Variants in FRMD7 observed in about 807,000 individuals in gnomAD.
FRMD7 encodes FERM domain containing 7.
FRMD7 carries 14 observed loss-of-function variants against 44.1 expected under a neutral mutation model. The ratio of observed to expected loss-of-function variants is 0.32; its 90% CI spans 0.21 to 0.50. The LOEUF is 0.50. FRMD7 is among the 20% of genes least tolerant of loss of function. The probability of loss-of-function intolerance (pLI) is 0.99; values close to 1 mark genes in which losing one functional copy is unlikely to be tolerated. For synonymous variants in FRMD7, 212 were observed against 187.4 expected (o/e 1.13, Z -1.07); for missense variants, 501 against 522.3 (o/e 0.96, Z 0.40).
chrX:132,081,720 C>A (rs1361768702), intron 9 of FRMD7, among the ~76,000 whole-genome samples: 1 of 112,717 alleles, frequency 8.9e-6, no homozygotes, highest in Non-Finnish European at 1.9e-5. Context: ...GTTTTGAAAA[C>A]TTCCTCCAAC....
At chrX:132,115,974 C>T (rs938245138) in intron 1 of FRMD7, among the ~76,000 whole-genome samples, 7 of 111,201 alleles carry the variant, frequency 6.3e-5, no homozygotes, top group Non-Finnish European at 1.3e-4. Context: ...TTCGAATAGT[C>T]AGTGAGGGCA....
intron 4 of FRMD7, 142 bp from the exon 5 acceptor site, chrX:132,094,281 G>A (rs1186333353): frequency 4.1e-6 from 2 of 483,352 alleles, no homozygotes; most frequent in East Asian, 3.8e-5. Flanking sequence ...GGTGAGTAAT[G>A]CATAGGCTTT....
chrX:132,082,913 T>C (rs1180126972), intron 8 of FRMD7, among the ~76,000 whole-genome samples: 1 of 112,247 alleles, frequency 8.9e-6, no homozygotes, highest in African/African-American at 3.2e-5. Flanking sequence ...GAAGATTTCC[T>C]TATAGATGGA....
At chrX:132,112,435 T>C (rs1273606878) in intron 1 of FRMD7, among the ~76,000 whole-genome samples, 1 of 111,592 alleles carries the variant, frequency 9.0e-6, no homozygotes, top group Admixed American at 9.5e-5. Flanking sequence ...CCCACAGGAC[T>C]CAGCAATAAA....
Position 132,078,611 on chromosome X carries a change from G to A in FRMD7, c.1406C>T (p.Pro469Leu). Reference protein sequence around the residue: ...IYSGLTSKVRPAKQLTYTDVP... With the variant: ...IYSGLTSKVRLAKQLTYTDVP... ...ATCCGTGTAAGTTAGCTGCTTTGCT[G>A]GACGCACTTTGCTTGTGAGGCCAGA... Residue 469 changes from proline to leucine, a missense_variant, in exon 12 of 12, where the codon CCA (proline) becomes CTA (leucine). Pro to Leu is a moderately conservative substitution (Grantham distance 98). Around this residue, in one of 3 missense-constraint regions of FRMD7, gnomAD observed 453 missense variants for 452.7 expected, o/e 1.00. Coordinates refer to ENST00000298542, the MANE Select transcript of FRMD7 (RefSeq NM_194277.3). The A allele has an allele frequency of 8.3e-7, 1 of 1,210,872 alleles. No homozygotes were observed.
rs1928178983 is a variant in FRMD7, at chrX:132,091,708, G to A, written c.382+2334C>T. ...AAAAAAGCCGGGTGTGGTGGCATGT[G>A]CCTGTAATCCCAGCTACTCAGGAGG... is the stretch of plus-strand genomic sequence containing the variant. On this transcript the variant is annotated intron_variant, in intron 5 of 11. Coordinates refer to ENST00000298542, the MANE Select transcript of FRMD7 (RefSeq NM_194277.3). Among the ~76,000 whole-genome samples the A allele has an allele frequency of 2.8e-5, 3 of 107,851 alleles. No homozygotes were observed. In the Admixed American group the frequency reaches 3.0e-4, roughly 11 times the overall value. 93.7% of individuals were successfully genotyped at this position (107,851 alleles called of 115,157 possible). A position where few individuals can be genotyped will look rare whatever the true frequency, so the allele number is the denominator to read the frequency against.
At chrX:132,092,446 G>T (rs1378078561) in intron 5 of FRMD7, among the ~76,000 whole-genome samples, 1 of 111,699 alleles carries the variant, frequency 9.0e-6, no homozygotes, top group Admixed American at 9.4e-5. Flanking sequence ...CAAATAAATT[G>T]CACAACTAGA....
chrX:132,118,745 C>T (rs757269679), intron 1 of FRMD7, among the ~76,000 whole-genome samples: 1 of 111,498 alleles, frequency 9.0e-6, no homozygotes, highest in Non-Finnish European at 1.9e-5. Flanking sequence ...AGTCTCTCAT[C>T]GCTCTCTCTC....
chrX:132,090,259 C>A (rs1447330461), intron 5 of FRMD7, among the ~76,000 whole-genome samples: 1 of 110,475 alleles, frequency 9.1e-6, no homozygotes. Context: ...TGCCTGTAAT[C>A]CCAGCTACTC....
chrX:132,092,961 C>T (rs1413612521), intron 5 of FRMD7, among the ~76,000 whole-genome samples: 2 of 111,918 alleles, frequency 1.8e-5, no homozygotes, highest in Non-Finnish European at 3.8e-5. Context: ...TCTTGTCTAA[C>T]CACCATTTTT....
intron 1 of FRMD7, among the ~76,000 whole-genome samples, chrX:132,112,024 G>A (rs1208173758): frequency 8.9e-6 from 1 of 111,768 alleles, no homozygotes; most frequent in Non-Finnish European, 1.9e-5. Context: ...TTTACTTTTC[G>A]GTAAAAATGC....
intron 1 of FRMD7, among the ~76,000 whole-genome samples, chrX:132,111,569 G>C (rs1477197991): frequency 8.9e-6 from 1 of 112,003 alleles, no homozygotes; most frequent in Non-Finnish European, 1.9e-5. Context: ...AATAGTATAA[G>C]CACATTGTCA....
At chrX:132,126,997 AT>A (rs1929172161) in intron 1 of FRMD7, among the ~76,000 whole-genome samples, 1 of 112,845 alleles carries the variant, frequency 8.9e-6, no homozygotes, top group African/African-American at 3.2e-5. Flanking sequence ...TTTTGTATGA[AT>A]TTCAGAGAAA....
chrX:132,116,306 C>G (rs188369305), intron 1 of FRMD7, among the ~76,000 whole-genome samples: 4 of 111,893 alleles, frequency 3.6e-5, no homozygotes, highest in African/African-American at 1.3e-4. Context: ...TCCTTTTGGC[C>G]TCATAACCCC....
In FRMD7 at chrX:132,077,705, A is replaced by G; in HGVS notation, c.*167T>C. On this transcript the variant is annotated 3_prime_UTR_variant, in exon 12 of 12. Transcript: ENST00000298542. ...AGAGGTAATGGAAGAGTGAAACTCA[A>G]GGAATGAGGCAACAGCTGGATCTTT... 2 of 690,181 alleles carry G rather than the reference A, an allele frequency of 2.9e-6. No individual in the cohort carries two copies. Among genetic ancestry groups the G allele is most frequent in the South Asian group, 2.9e-5 (1 of 34,799 alleles). 56.9% of individuals were successfully genotyped at this position (690,181 alleles called of 1,213,427 possible).
chrX:132,104,592 C>T (rs776508131), intron 1 of FRMD7, among the ~76,000 whole-genome samples: 132 of 111,498 alleles, frequency 1.2e-3, no homozygotes, highest in African/African-American at 4.2e-3. Context: ...ACTCGGGAGG[C>T]TGAGGCAGGA....
chrX:132,124,464 C>A (rs1929107441), intron 1 of FRMD7, among the ~76,000 whole-genome samples: 1 of 111,742 alleles, frequency 8.9e-6, no homozygotes, highest in Non-Finnish European at 1.9e-5. Flanking sequence ...TCATTTTCTT[C>A]ATTGGATTGT....
In FRMD7 at chrX:132,122,513, G is replaced by A. The variant is rs189778164; in HGVS notation, c.57+5275C>T. On this transcript the variant is annotated intron_variant, in intron 1 of 11. Coordinates refer to ENST00000298542, the MANE Select transcript of FRMD7 (RefSeq NM_194277.3). ...CAGCCACTTAAGCTAGAAACTTGAA[G>A]GTCATTTAGATCCTTTCTCACATAT... Among the ~76,000 whole-genome samples, 3 of 112,337 alleles carry A rather than the reference G, an allele frequency of 2.7e-5. No individual in the cohort carries two copies. In the East Asian group the frequency reaches 8.4e-4, roughly 31 times the overall value.
intron 5 of FRMD7, among the ~76,000 whole-genome samples, chrX:132,086,895 T>C (rs938502940): frequency 8.9e-6 from 1 of 112,290 alleles, no homozygotes; most frequent in African/African-American, 3.2e-5. Context: ...ATTGGGAGTC[T>C]AGTAAATCCC....
Sources: gnomAD v4.1 joint callset for allele counts (sites outside exome capture counted in the v4.1 genomes callset) on GRCh38, gnomAD v4.1.1 for gene constraint, gnomAD v4.1.1 regional missense constraint, MANE v1.5 for transcripts, NCBI Gene and HGNC (gene_info 2026-07-23, HGNC 2026-07-21) for gene names.